PTDSS1: variants seen among roughly 807,000 people sequenced by gnomAD.
The protein encoded by PTDSS1 is phosphatidylserine synthase 1.
In PTDSS1, 45 loss-of-function variants were observed where a neutral mutation model predicts 70.5. The ratio of observed to expected loss-of-function variants is 0.64; its 90% CI spans 0.50 to 0.82. The LOEUF (loss-of-function observed/expected upper bound fraction) is 0.82. PTDSS1 is among the 40% of genes least tolerant of loss of function. The probability of loss-of-function intolerance (pLI) is 0.00; values close to 1 mark genes in which losing one functional copy is unlikely to be tolerated. For missense variants in PTDSS1, 417 were observed against 586.1 expected (o/e 0.71, Z 2.98); for synonymous variants, 188 against 203.8 (o/e 0.92, Z 0.66).
intron 1 of PTDSS1, among the ~76,000 whole-genome samples, chr8:96,265,552 T>C (rs1246177443): frequency 6.6e-6 from 1 of 152,166 alleles, no homozygotes; most frequent in Non-Finnish European, 1.5e-5. Flanking sequence ...ATTTCCAGCC[T>C]GGACAACATG....
rs1392922559 is a variant in PTDSS1, at chr8:96,286,983, GA to G, written c.317-38del. 3 of 1,611,376 alleles carry G rather than the reference GA, an allele frequency of 1.9e-6. No individual in the cohort carries two copies. The Admixed American group carries it at 5.0e-5, about 27-fold the overall frequency. On this transcript the variant is annotated intron_variant, in intron 3 of 12. Coordinates refer to ENST00000517309, the MANE Select transcript of PTDSS1 (RefSeq NM_014754.3). ...GTGTATTGTGTGTGTCTGACTATTG[GA>G]TCTCTTCTAAACTTCAGCATGTTTT...
rs180961081 is a variant in PTDSS1, at chr8:96,301,077, A to C, written c.752+1232A>C. 1.0e-3 allele frequency among the ~76,000 whole-genome samples: 152 copies of C among 152,294 alleles called. 1 individual carries two copies. In the East Asian group the frequency reaches 0.014, roughly 14 times the overall value. On this transcript the variant is annotated intron_variant, in intron 6 of 12. Transcript: ENST00000517309. ...ATTTGTGCTTTCTACAGATTAAGCTAATTAACACTTTGCCATAAATGTGAC... is the reference window on the plus strand; with the variant it reads ...ATTTGTGCTTTCTACAGATTAAGCTCATTAACACTTTGCCATAAATGTGAC...
At position 96,334,171 on chromosome 8, in the gene PTDSS1, T is replaced by G. The variant is rs895959214; in HGVS notation, c.*605T>G. On this transcript the variant is annotated 3_prime_UTR_variant, in exon 13 of 13. Transcript: ENST00000517309. The stretch of plus-strand genomic sequence containing the variant: ...AAGGGAGAGAGGTGTTGTATTCCTG[T>G]TTGGTAACCTCAGTCTCCTGTAAGA... 8 of 205,388 alleles carry G rather than the reference T, an allele frequency of 3.9e-5. No homozygotes were observed. The highest frequency in any genetic ancestry group is 1.9e-4 in the African/African-American group (8 of 43,122). The allele number at this position is 205,388 out of a possible 1,614,324, so 12.7% of individuals were successfully genotyped here.
At chr8:96,305,716 T>C (rs1335928443) in intron 7 of PTDSS1, among the ~76,000 whole-genome samples, 1 of 152,148 alleles carries the variant, frequency 6.6e-6, no homozygotes, top group Non-Finnish European at 1.5e-5. Context: ...GTTTTACTCT[T>C]GTCACCCAAG....
rs113878891 is a variant in PTDSS1 at position 96,276,391 on chromosome 8, T to C, written c.271+3001T>C. On this transcript the variant is annotated intron_variant, in intron 2 of 12. Coordinates refer to ENST00000517309, the MANE Select transcript of PTDSS1 (RefSeq NM_014754.3). ...AATCTTCAAAGTTGACTTCAGCTGCTCAATCTCTCATTGTGGGACTGTGCT... is the reference window on the plus strand; with the variant it reads ...AATCTTCAAAGTTGACTTCAGCTGCCCAATCTCTCATTGTGGGACTGTGCT... 9.6e-4 allele frequency among the ~76,000 whole-genome samples: 146 copies of C among 152,332 alleles called. 1 individual carries two copies. Among genetic ancestry groups the C allele is most frequent in the African/African-American group, 3.4e-3 (141 of 41,566 alleles).
At chr8:96,302,155 A>G (rs564098786) in intron 6 of PTDSS1, among the ~76,000 whole-genome samples, 15 of 152,042 alleles carry the variant, frequency 9.9e-5, no homozygotes, top group African/African-American at 3.6e-4. Context: ...AGTGCCTGTA[A>G]TCCCCAGGTG....
intron 8 of PTDSS1, among the ~76,000 whole-genome samples, chr8:96,308,593 G>A (rs138671045): frequency 3.3e-4 from 51 of 152,300 alleles, no homozygotes; most frequent in African/African-American, 1.1e-3. Context: ...CACTCACCAC[G>A]TGTGGCTATT....
At chr8:96,324,261 G>A (rs973112462) in intron 10 of PTDSS1, among the ~76,000 whole-genome samples, 2 of 152,112 alleles carry the variant, frequency 1.3e-5, no homozygotes, top group Non-Finnish European at 2.9e-5. Flanking sequence ...CCCTCACCAG[G>A]ATCACCCGTA....
intron 7 of PTDSS1, among the ~76,000 whole-genome samples, chr8:96,304,405 C>T (rs888172060): frequency 6.6e-6 from 1 of 152,110 alleles, no homozygotes; most frequent in Non-Finnish European, 1.5e-5. Flanking sequence ...CTTTGAATTA[C>T]AAATTAGAAA....
At chr8:96,282,223 T>C (rs1810748768) in intron 2 of PTDSS1, among the ~76,000 whole-genome samples, 1 of 152,234 alleles carries the variant, frequency 6.6e-6, no homozygotes, top group Non-Finnish European at 1.5e-5. Flanking sequence ...AGTCAAGAGC[T>C]ATCGCCTACC....
At chr8:96,299,466 A>G (rs942408373) in intron 5 of PTDSS1, among the ~76,000 whole-genome samples, 3 of 152,204 alleles carry the variant, frequency 2.0e-5, no homozygotes, top group African/African-American at 7.2e-5. Flanking sequence ...TGTCAAAAAG[A>G]GAAGAGCTGT....
At chr8:96,299,668 C>A in intron 5 of PTDSS1, 26 bp from the exon 6 acceptor site, 1 of 1,562,912 alleles carries the variant, frequency 6.4e-7, no homozygotes, top group Non-Finnish European at 8.6e-7. Flanking sequence ...TTTATTTTTC[C>A]AACCATGGGC....
chr8:96,280,411 A>G (rs1014473397), intron 2 of PTDSS1, among the ~76,000 whole-genome samples: 5 of 152,184 alleles, frequency 3.3e-5, no homozygotes, highest in Non-Finnish European at 7.4e-5. Context: ...AATCCCAGCT[A>G]CTAGGGTGGC....
intron 4 of PTDSS1, among the ~76,000 whole-genome samples, chr8:96,287,896 C>T (rs1010195305): frequency 1.3e-5 from 2 of 152,116 alleles, no homozygotes; most frequent in African/African-American, 4.8e-5. Context: ...CCCACACCAG[C>T]CAATTCTCTA....
intron 1 of PTDSS1, among the ~76,000 whole-genome samples, chr8:96,265,211 T>C (rs370001737): frequency 2.0e-4 from 30 of 152,340 alleles, no homozygotes; most frequent in African/African-American, 7.2e-4. Flanking sequence ...ACTTAAAAGA[T>C]ATGTCTTAAA....
In PTDSS1 at chr8:96,284,163, T is replaced by A; in HGVS notation, c.316+10T>A. 1 of 1,596,512 alleles carries A rather than the reference T, an allele frequency of 6.3e-7. No individual in the cohort carries two copies. Among genetic ancestry groups the A allele is most frequent in the Admixed American group, 1.7e-5 (1 of 59,574 alleles). On this transcript the variant is annotated intron_variant, in intron 3 of 12. Coordinates refer to ENST00000517309, the MANE Select transcript of PTDSS1 (RefSeq NM_014754.3). ...TGGCGAATGGTTTTTGGTGAGTTTA[T>A]ATTAGCAATGTAAAAGGATGTTCTA...
At chr8:96,333,106 G>T (rs965540700) in intron 12 of PTDSS1, among the ~76,000 whole-genome samples, 8 of 152,222 alleles carry the variant, frequency 5.3e-5, no homozygotes, top group African/African-American at 1.9e-4. Context: ...TGGGCACCGC[G>T]TGGTGTGTGT....
chr8:96,328,692 T>C (rs868415159), intron 10 of PTDSS1, among the ~76,000 whole-genome samples: 1 of 152,176 alleles, frequency 6.6e-6, no homozygotes, highest in South Asian at 2.1e-4. Flanking sequence ...TTTTTGGAAC[T>C]AAGAAGGCAC....
chr8:96,326,784 ATGGGT>A (rs1240805570), intron 10 of PTDSS1, among the ~76,000 whole-genome samples: 4 of 152,250 alleles, frequency 2.6e-5, no homozygotes, highest in Non-Finnish European at 5.9e-5. Flanking sequence ...TAGAGGGAAG[ATGGGT>A]TGGGGGGAAG....
Sources: allele counts gnomAD v4.1 joint callset (sites outside exome capture counted in the v4.1 genomes callset), GRCh38; gene constraint gnomAD v4.1.1; transcripts MANE v1.5; gene names NCBI Gene and HGNC (gene_info 2026-07-23, HGNC 2026-07-21).